The following LRRTM4 variants were observed in gnomAD, a reference collection of about 807,000 sequenced individuals.
LRRTM4 encodes leucine rich repeat transmembrane neuronal 4.
Under a neutral mutation model 47.6 loss-of-function variants are expected in LRRTM4, and 25 were observed. That is an observed-to-expected ratio of 0.53 (90% CI 0.38 to 0.73). The LOEUF (loss-of-function observed/expected upper bound fraction) is 0.73, where lower values mean the gene tolerates loss of function less well. Ranked by LOEUF, LRRTM4 falls within the 30% of genes least tolerant of loss-of-function variation. The pLI, the probability that LRRTM4 is intolerant of heterozygous loss-of-function variation, is 0.00. For missense variants in LRRTM4, 638 were observed against 713.4 expected, an observed-to-expected ratio of 0.89 and a Z score of 1.20; for synonymous variants, 311 against 269.5, an observed-to-expected ratio of 1.15 and a Z score of -1.51.
At chr2:77,488,582 A>T (rs893749500) in intron 3 of LRRTM4, among the ~76,000 whole-genome samples, 2 of 152,190 alleles carry the variant, frequency 1.3e-5, no homozygotes, top group Non-Finnish European at 2.9e-5. Context: ...CAGAAAGAGC[A>T]ATGTGTTGAG....
intron 3 of LRRTM4, among the ~76,000 whole-genome samples, chr2:76,900,041 C>T (rs1205063111): frequency 6.6e-6 from 1 of 151,974 alleles, no homozygotes; most frequent in African/African-American, 2.4e-5. Flanking sequence ...CCAGCCTGAC[C>T]AATATGGTGA....
chr2:76,949,185 T>A (rs62170339), intron 3 of LRRTM4, among the ~76,000 whole-genome samples: 20,020 of 151,840 alleles, frequency 0.13, 1,670 homozygotes, highest in Admixed American at 0.21. Context: ...TTAGCTTACA[T>A]CTATTTCTCT....
At chr2:77,328,961 C>A (rs1421073313) in intron 3 of LRRTM4, among the ~76,000 whole-genome samples, 1 of 152,094 alleles carries the variant, frequency 6.6e-6, no homozygotes, top group Non-Finnish European at 1.5e-5. Context: ...TGGTCTGGCA[C>A]CTGGGGTGTT....
At chr2:76,781,053 C>T (rs1295583100) in intron 3 of LRRTM4, among the ~76,000 whole-genome samples, 2 of 151,526 alleles carry the variant, frequency 1.3e-5, no homozygotes, top group Admixed American at 6.6e-5. Flanking sequence ...CTTGGGGGTG[C>T]CTCCCAGTTA....
intron 3 of LRRTM4, among the ~76,000 whole-genome samples, chr2:77,493,358 T>G (rs1021526975): frequency 6.6e-6 from 1 of 152,048 alleles, no homozygotes; most frequent in Non-Finnish European, 1.5e-5. Context: ...TGATTTCTGA[T>G]AGTCATTTTT....
chr2:77,085,907 C>T (rs1019946378), intron 3 of LRRTM4, among the ~76,000 whole-genome samples: 4 of 152,104 alleles, frequency 2.6e-5, no homozygotes, highest in African/African-American at 9.7e-5. Flanking sequence ...CCTCACAAAA[C>T]TTATGTGGGT....
intron 3 of LRRTM4, among the ~76,000 whole-genome samples, chr2:76,975,244 T>C (rs1005787631): frequency 4.0e-5 from 6 of 151,876 alleles, no homozygotes; most frequent in African/African-American, 1.4e-4. Context: ...TGCTCTGTTT[T>C]TGCCATGCAT....
chr2:77,026,188 T>C (rs1229721014), intron 3 of LRRTM4, among the ~76,000 whole-genome samples: 1 of 152,202 alleles, frequency 6.6e-6, no homozygotes, highest in Non-Finnish European at 1.5e-5. Context: ...AATATTTTGA[T>C]TTATTACAGT....
chr2:76,771,292 C>G (rs1673692287), intron 3 of LRRTM4, among the ~76,000 whole-genome samples: 1 of 152,154 alleles, frequency 6.6e-6, no homozygotes, highest in Non-Finnish European at 1.5e-5. Context: ...AAGTCCCATT[C>G]ATGTCCCATG....
intron 3 of LRRTM4, among the ~76,000 whole-genome samples, chr2:77,242,387 C>T (rs958367851): frequency 6.6e-6 from 1 of 152,082 alleles, no homozygotes; most frequent in Admixed American, 6.6e-5. Flanking sequence ...ATGCAACCAT[C>T]CAAATGGGAG....
At chr2:77,019,151 G>A (rs1218753816) in intron 3 of LRRTM4, among the ~76,000 whole-genome samples, 1 of 145,436 alleles carries the variant, frequency 6.9e-6, no homozygotes, top group Non-Finnish European at 1.5e-5. Context: ...TTGTTATAGA[G>A]AGTCAGAATA....
At chr2:77,466,497 C>T (rs1033056250) in intron 3 of LRRTM4, among the ~76,000 whole-genome samples, 1 of 152,048 alleles carries the variant, frequency 6.6e-6, no homozygotes, top group African/African-American at 2.4e-5. Context: ...CAATTTCATC[C>T]ATCTACTAGT....
chr2:77,064,506 A>C (rs1280752034), intron 3 of LRRTM4, among the ~76,000 whole-genome samples: 2 of 152,176 alleles, frequency 1.3e-5, no homozygotes, highest in African/African-American at 4.8e-5. Flanking sequence ...CACATGTACA[A>C]ATGCTTTTGA....
intron 3 of LRRTM4, among the ~76,000 whole-genome samples, chr2:77,250,833 A>G (rs774325442): frequency 6.6e-6 from 1 of 152,168 alleles, no homozygotes; most frequent in African/African-American, 2.4e-5. Context: ...GCCGGGCGTG[A>G]TGGCTCACGC....
At chr2:76,807,459 CAT>C (rs772135026) in intron 3 of LRRTM4, among the ~76,000 whole-genome samples, 45 of 85,588 alleles carry the variant, frequency 5.3e-4, no homozygotes, top group African/African-American at 1.1e-3. Context: ...TATATATATA[CAT>C]ATATATATAC....
At chr2:76,819,390 A>G (rs980704273) in intron 3 of LRRTM4, among the ~76,000 whole-genome samples, 1 of 151,836 alleles carries the variant, frequency 6.6e-6, no homozygotes, top group Non-Finnish European at 1.5e-5. Flanking sequence ...AGGAAGTAAA[A>G]TGTGGTCAAA....
At chr2:77,284,278 A>C (rs1236338975) in intron 3 of LRRTM4, among the ~76,000 whole-genome samples, 1 of 152,090 alleles carries the variant, frequency 6.6e-6, no homozygotes, top group East Asian at 1.9e-4. Flanking sequence ...ATCATAGTAT[A>C]CTTACATATT....
Position 76,880,086 on chromosome 2 carries a change from G to T in LRRTM4, c.1552-131170C>A, listed in dbSNP as rs1342145857. ...TGGTGAAGATGCTGTTATAATTATT[G>T]AAATGACACAAAGGACATGGAATAT... On this transcript the variant is annotated intron_variant, in intron 3 of 3. Transcript: ENST00000409884. Among the ~76,000 whole-genome samples, 4 of 152,296 alleles carry T rather than the reference G, an allele frequency of 2.6e-5. No individual in the cohort carries two copies. In the East Asian group the frequency reaches 7.7e-4, roughly 29 times the overall value.
intron 3 of LRRTM4, among the ~76,000 whole-genome samples, chr2:77,341,091 G>A (rs140119439): frequency 2.4e-4 from 36 of 151,970 alleles, no homozygotes; most frequent in African/African-American, 6.5e-4. Flanking sequence ...AGAAGAGTCC[G>A]TTTACTCAAA....
Sources: allele counts gnomAD v4.1 joint callset (sites outside exome capture counted in the v4.1 genomes callset), GRCh38; gene constraint gnomAD v4.1.1; transcripts MANE v1.5; gene names NCBI Gene and HGNC (gene_info 2026-07-23, HGNC 2026-07-21).